DLG2: variants seen among roughly 807,000 people sequenced by gnomAD.
DLG2 encodes discs large MAGUK scaffold protein 2, also known as disks large homolog 2.
A neutral mutation model predicts 132.5 loss-of-function variants in DLG2; 45 were observed. The ratio of observed to expected loss-of-function variants is 0.34; its 90% confidence interval spans 0.27 to 0.44. DLG2 has a LOEUF of 0.44. Among genes scored for constraint, DLG2 ranks in the 20% least tolerant of loss-of-function variants. DLG2 has a pLI of 1.00. For synonymous variants in DLG2, 424 were observed against 419.6 expected (o/e 1.01, Z -0.13); for missense variants, 1,045 against 1,196.9 (o/e 0.87, Z 1.87).
intron 3 of DLG2, among the ~76,000 whole-genome samples, chr11:85,406,837 G>A (rs1373150570): frequency 6.6e-6 from 1 of 151,802 alleles, no homozygotes; most frequent in East Asian, 1.9e-4. Context: ...AAAAGATGGT[G>A]CTAAGAACTA....
intron 7 of DLG2, among the ~76,000 whole-genome samples, chr11:84,270,521 T>C (rs1442845096): frequency 1.3e-5 from 2 of 152,206 alleles, no homozygotes; most frequent in Admixed American, 1.3e-4. Flanking sequence ...CCAATATGAA[T>C]TTTATATGGG....
intron 6 of DLG2, among the ~76,000 whole-genome samples, chr11:85,023,020 T>C (rs2060214994): frequency 1.3e-5 from 2 of 152,096 alleles, no homozygotes; most frequent in Middle Eastern, 3.4e-3. Context: ...ATTAAACAAA[T>C]ACATAGGCAT....
intron 4 of DLG2, among the ~76,000 whole-genome samples, chr11:85,187,599 T>A (rs963886451): frequency 2.0e-5 from 3 of 152,132 alleles, no homozygotes; most frequent in African/African-American, 7.2e-5. Flanking sequence ...TGAGAAATGT[T>A]TATTCATGAA....
intron 18 of DLG2, among the ~76,000 whole-genome samples, chr11:83,668,202 T>C (rs1233347427): frequency 6.6e-6 from 1 of 151,372 alleles, no homozygotes; most frequent in Non-Finnish European, 1.5e-5. Context: ...TGAAGCAGGG[T>C]CAGATTTATG....
chr11:84,615,275 T>C (rs760483524), intron 6 of DLG2, among the ~76,000 whole-genome samples: 5 of 152,028 alleles, frequency 3.3e-5, no homozygotes, highest in Non-Finnish European at 5.9e-5. Context: ...AAAAGTAACA[T>C]TGATCAATAC....
At chr11:84,092,022 T>C (rs1246059638) in intron 10 of DLG2, among the ~76,000 whole-genome samples, 2 of 152,232 alleles carry the variant, frequency 1.3e-5, no homozygotes, top group Non-Finnish European at 2.9e-5. Flanking sequence ...TCTCTGTTTT[T>C]AAAAGTCTCA....
At chr11:84,055,519 A>G (rs1278477143) in intron 11 of DLG2, among the ~76,000 whole-genome samples, 1 of 152,024 alleles carries the variant, frequency 6.6e-6, no homozygotes, top group Non-Finnish European at 1.5e-5. Flanking sequence ...CAGCCATATC[A>G]TTTCATGTAA....
At chr11:83,932,618 G>C (rs2080526406) in intron 14 of DLG2, among the ~76,000 whole-genome samples, 1 of 152,100 alleles carries the variant, frequency 6.6e-6, no homozygotes, top group Non-Finnish European at 1.5e-5. Context: ...GCACAGTACA[G>C]TATACAGAAA....
Position 84,600,187 on chromosome 11 carries a change from A to AGAAG in DLG2, c.358-65457_358-65456insCTTC, listed in dbSNP as rs1234523195. Among the ~76,000 whole-genome samples the AGAAG allele has an allele frequency of 6.7e-4, 90 of 135,128 alleles. 2 individuals are homozygous for AGAAG. Among genetic ancestry groups the AGAAG allele is most frequent in the Non-Finnish European group, 9.0e-4 (59 of 65,268 alleles). 88.6% of individuals were successfully genotyped at this position (135,128 alleles called of 152,430 possible). On this transcript the variant is annotated intron_variant, in intron 6 of 27. Transcript: ENST00000376104. ...AAGAAAGAAAGAAAGAAAGAAAGAA[A>AGAAG]GAAAGAAAGAAAGAAAGAAAGAAAG... is the stretch of plus-strand genomic sequence containing the variant.
chr11:83,930,567 G>T, intron 14 of DLG2, 84 bp from the exon 15 acceptor site: 1 of 1,355,010 alleles, frequency 7.4e-7, no homozygotes, highest in Non-Finnish European at 1.0e-6. Flanking sequence ...CTCAGCATGT[G>T]CAAAAGTAAA....
rs189526152 is a variant in DLG2, at chr11:83,712,298, G to A, written c.1825+74392C>T. 5.0e-3 allele frequency among the ~76,000 whole-genome samples: 758 copies of A among 152,186 alleles called. 3 individuals are homozygous for A. Among genetic ancestry groups the A allele is most frequent in the Middle Eastern group, 0.014 (4 of 294 alleles). Reference sequence around the variant, plus strand: ...TGATAGACTAGATAAAGAAAATGTCGTACATATACACCACGGAATACCATG... The same window carrying A: ...TGATAGACTAGATAAAGAAAATGTCATACATATACACCACGGAATACCATG... On this transcript the variant is annotated intron_variant, in intron 18 of 27. Transcript: ENST00000376104.
intron 18 of DLG2, among the ~76,000 whole-genome samples, chr11:83,772,264 G>T (rs1248700750): frequency 6.6e-6 from 1 of 151,928 alleles, no homozygotes; most frequent in East Asian, 1.9e-4. Flanking sequence ...AAAAAAATTG[G>T]CTGGGCATGG....
chr11:84,085,481 C>A (rs559176948), intron 10 of DLG2, among the ~76,000 whole-genome samples: 5 of 152,244 alleles, frequency 3.3e-5, no homozygotes, highest in African/African-American at 1.2e-4. Context: ...TTAACTGAAA[C>A]AAAGCATTGA....
chr11:83,621,424 T>C (rs937502374), intron 19 of DLG2, among the ~76,000 whole-genome samples: 1 of 152,138 alleles, frequency 6.6e-6, no homozygotes, highest in Non-Finnish European at 1.5e-5. Context: ...CTTTAAAACT[T>C]AGGCCTGAAG....
At chr11:84,276,770 C>T (rs933096949) in intron 7 of DLG2, among the ~76,000 whole-genome samples, 7 of 152,126 alleles carry the variant, frequency 4.6e-5, no homozygotes, top group Non-Finnish European at 8.8e-5. Flanking sequence ...GACTACCATA[C>T]GTTGAGTGCT....
rs935646159 is a variant in DLG2, at chr11:83,772,607, G to GGAAGGAAGAAAGGAAA, written c.1825+14067_1825+14082dup. ...GAAAAGAGAGAGAGGAAGAAAGGAA[G>GGAAGGAAGAAAGGAAA]GAAGGAAGAAAGGAAAGAAGGAAGA... On this transcript the variant is annotated intron_variant, in intron 18 of 27. Transcript: ENST00000376104. Among the ~76,000 whole-genome samples the GGAAGGAAGAAAGGAAA allele has an allele frequency of 5.3e-5, 8 of 151,134 alleles. No individual in the cohort carries two copies. The East Asian group carries it at 1.6e-3, about 29-fold the overall frequency.
At chr11:84,235,187 C>T (rs372786404) in intron 8 of DLG2, among the ~76,000 whole-genome samples, 2 of 152,270 alleles carry the variant, frequency 1.3e-5, no homozygotes, top group South Asian at 2.1e-4. Flanking sequence ...TCAAGTTGTT[C>T]CACTTTTTTG....
At chr11:84,173,303 T>C (rs1344706379) in intron 8 of DLG2, among the ~76,000 whole-genome samples, 2 of 152,204 alleles carry the variant, frequency 1.3e-5, no homozygotes, top group Admixed American at 1.3e-4. Flanking sequence ...GCTGTTTTGT[T>C]CTTTGGGTTT....
intron 6 of DLG2, among the ~76,000 whole-genome samples, chr11:84,728,487 T>C (rs2062767539): frequency 1.3e-5 from 2 of 152,190 alleles, no homozygotes; most frequent in South Asian, 2.1e-4. Flanking sequence ...CTGGATTTGG[T>C]TTGCCAGTAT....
Sources: allele counts gnomAD v4.1 joint callset (sites outside exome capture counted in the v4.1 genomes callset), GRCh38; gene constraint gnomAD v4.1.1; transcripts MANE v1.5; gene names NCBI Gene and HGNC (gene_info 2026-07-23, HGNC 2026-07-21).